Variants in CASQ2 observed in about 807,000 individuals in gnomAD.
The protein encoded by CASQ2 is calsequestrin-2.
CASQ2 carries 49 observed loss-of-function variants against 46.5 expected under a neutral mutation model. That is an observed-to-expected ratio of 1.05 (90% confidence interval 0.84 to 1.34). The LOEUF is 1.34. Among genes scored for constraint, CASQ2 ranks in the 40% most tolerant of loss-of-function variants. The pLI is 0.00. For synonymous variants in CASQ2, 174 were observed against 168.5 expected, an observed-to-expected ratio of 1.03 and a Z score of -0.25; for missense variants, 486 against 481.3, an observed-to-expected ratio of 1.01 and a Z score of -0.09.
At chr1:115,727,362 G>T (rs370278983) in intron 5 of CASQ2, among the ~76,000 whole-genome samples, 2 of 152,160 alleles carry the variant, frequency 1.3e-5, no homozygotes, top group East Asian at 3.9e-4. Flanking sequence ...AATGAGGGTC[G>T]GGCAGGGGCA....
chr1:115,739,217 T>C (rs1046223191), intron 3 of CASQ2, among the ~76,000 whole-genome samples: 1 of 148,792 alleles, frequency 6.7e-6, no homozygotes, highest in Non-Finnish European at 1.5e-5. Context: ...GTTCACGCCA[T>C]TCTCCTGCCT....
At chr1:115,756,500 C>A (rs1268744679) in intron 1 of CASQ2, among the ~76,000 whole-genome samples, 2 of 152,140 alleles carry the variant, frequency 1.3e-5, no homozygotes, top group Non-Finnish European at 2.9e-5. Context: ...CTCAAACTGC[C>A]GCAGAGTAGG....
intron 1 of CASQ2, among the ~76,000 whole-genome samples, chr1:115,750,641 T>C (rs1648549264): frequency 6.6e-6 from 1 of 152,208 alleles, no homozygotes; most frequent in Non-Finnish European, 1.5e-5. Context: ...CCTGAGTAGC[T>C]GGGACTACAG....
intron 8 of CASQ2, among the ~76,000 whole-genome samples, chr1:115,715,449 C>T (rs1437813039): frequency 6.6e-6 from 1 of 152,122 alleles, no homozygotes; most frequent in Non-Finnish European, 1.5e-5. Flanking sequence ...GTGAAAGATG[C>T]CACACACAAA....
At chr1:115,764,021 T>C (rs1423996968) in intron 1 of CASQ2, among the ~76,000 whole-genome samples, 2 of 151,420 alleles carry the variant, frequency 1.3e-5, no homozygotes, top group Non-Finnish European at 1.5e-5. Flanking sequence ...AGAGACAGCA[T>C]GCAAAATTGC....
At position 115,764,304 on chromosome 1, in the gene CASQ2, T is replaced by C. The variant is rs370145429; in HGVS notation, c.234+4004A>G. ...TGCTGGTATTAACATTACTGTTTAA[T>C]AATATAGAAATACAATATATGGATG... On this transcript the variant is annotated intron_variant, in intron 1 of 10. Transcript: ENST00000261448. Among the ~76,000 whole-genome samples, 291 of 152,156 alleles carry C rather than the reference T, an allele frequency of 1.9e-3. 7 individuals carry two copies. In the South Asian group the frequency reaches 0.043, roughly 22 times the overall value.
chr1:115,722,796 C>T (rs1647422960), intron 7 of CASQ2, among the ~76,000 whole-genome samples: 1 of 152,076 alleles, frequency 6.6e-6, no homozygotes, highest in Non-Finnish European at 1.5e-5. Context: ...GCCTGTAATC[C>T]CAGCACTTTG....
At chr1:115,717,621 G>A (rs1315938839) in intron 8 of CASQ2, among the ~76,000 whole-genome samples, 1 of 152,220 alleles carries the variant, frequency 6.6e-6, no homozygotes, top group Non-Finnish European at 1.5e-5. Context: ...GTAGGAACCT[G>A]GTAGTCTATA....
chr1:115,733,832 C>T (rs1647869838), intron 4 of CASQ2, among the ~76,000 whole-genome samples: 3 of 152,154 alleles, frequency 2.0e-5, no homozygotes, highest in Non-Finnish European at 2.9e-5. Flanking sequence ...TTCCCTTAAC[C>T]GTGTGAAGTA....
chr1:115,731,289 G>A (rs12088453), intron 5 of CASQ2, among the ~76,000 whole-genome samples: 2,510 of 152,228 alleles, frequency 0.016, 83 homozygotes, highest in African/African-American at 0.057. Flanking sequence ...ACTACCCTGA[G>A]CTCAACGTTG....
At chr1:115,715,835 G>T (rs1331023078) in intron 8 of CASQ2, among the ~76,000 whole-genome samples, 1 of 152,182 alleles carries the variant, frequency 6.6e-6, no homozygotes, top group South Asian at 2.1e-4. Context: ...GTCTTGGTTG[G>T]TCATCTAACT....
rs969703545 is a variant in CASQ2 at position 115,768,245 on chromosome 1, C to A, written c.234+63G>T. 4 of 1,087,688 alleles carry A rather than the reference C, an allele frequency of 3.7e-6. No individual in the cohort carries two copies. The African/African-American group carries it at 6.2e-5, about 17-fold the overall frequency. The allele number at this position is 1,087,688 out of a possible 1,614,324, so 67.4% of individuals were successfully genotyped here. On this transcript the variant is annotated intron_variant, in intron 1 of 10. Coordinates refer to ENST00000261448, the MANE Select transcript of CASQ2 (RefSeq NM_001232.4). ...CTCGTTCCCATATCCCAACCCCTGG[C>A]CAAAGGCATTCCCTCGGCACCTCAC...
intron 3 of CASQ2, among the ~76,000 whole-genome samples, chr1:115,739,033 G>A (rs1243223152): frequency 7.1e-6 from 1 of 139,956 alleles, no homozygotes; most frequent in Non-Finnish European, 1.5e-5. Context: ...AATTCCATCT[G>A]TATAGTTGCA....
In CASQ2 at chr1:115,701,111, G is replaced by A; in HGVS notation, c.*130C>T. ...TGCTGCTCCTGACGCAAAGGGAGTG[G>A]GAAAAGAGATGATGGAAAAGGGAAA... On this transcript the variant is annotated 3_prime_UTR_variant, in exon 11 of 11. Transcript: ENST00000261448. 7.1e-7 allele frequency: 1 copy of A among 1,407,188 alleles called. No individual in the cohort carries two copies. Among genetic ancestry groups the A allele is most frequent in the African/African-American group, 1.4e-5 (1 of 70,938 alleles). The allele number at this position is 1,407,188 out of a possible 1,614,324, so 87.2% of individuals were successfully genotyped here.
At chr1:115,750,923 A>G (rs1265600193) in intron 1 of CASQ2, among the ~76,000 whole-genome samples, 1 of 26,506 alleles carries the variant, frequency 3.8e-5, no homozygotes, top group East Asian at 1.8e-3. Context: ...ACCTAATGAC[A>G]GGGTGGATCC....
At chr1:115,705,424 A>G (rs1654328511) in intron 8 of CASQ2, 132 bp from the exon 9 acceptor site, 2 of 708,578 alleles carry the variant, frequency 2.8e-6, no homozygotes, top group East Asian at 2.7e-5. Flanking sequence ...GGATTATTCT[A>G]TAGAATGAGT....
At position 115,768,369 on chromosome 1, in the gene CASQ2, T is replaced by A. The variant is rs764732977; in HGVS notation, c.173A>T (p.Glu58Val). ...KYDLLCLYYH[E>V]PVSSDKVTQK... is the part of the protein sequence containing the mutation. ...CGTGACCTTATCTGAAGACACCGGC[T>A]CATGGTAGTAGAGGCAAAGCAAGTC... is the stretch of plus-strand genomic sequence containing the variant. The change falls in exon 1 of 11, where the codon GAG becomes GTG. Residue 58 changes from glutamate (E) to valine (V), a missense_variant. Coordinates refer to ENST00000261448, the MANE Select transcript of CASQ2 (RefSeq NM_001232.4). The A allele has an allele frequency of 3.7e-5, 60 of 1,614,026 alleles. No homozygotes were observed. Among genetic ancestry groups the A allele is most frequent in the Non-Finnish European group, 4.8e-5 (57 of 1,180,016 alleles).
At chr1:115,766,676 G>A (rs527955337) in intron 1 of CASQ2, among the ~76,000 whole-genome samples, 1 of 152,178 alleles carries the variant, frequency 6.6e-6, no homozygotes, top group African/African-American at 2.4e-5. Context: ...TCCAGCTTTA[G>A]CAGCCTGAGG....
intron 7 of CASQ2, among the ~76,000 whole-genome samples, chr1:115,724,152 G>T (rs766002510): frequency 4.6e-5 from 7 of 152,188 alleles, no homozygotes; most frequent in African/African-American, 4.8e-5. Context: ...ACTCTGGGGA[G>T]GCATTCTGCA....
Sources: allele counts gnomAD v4.1 joint callset (sites outside exome capture counted in the v4.1 genomes callset), GRCh38; gene constraint gnomAD v4.1.1; transcripts MANE v1.5; gene names NCBI Gene and HGNC (gene_info 2026-07-23, HGNC 2026-07-21).